Variants in CPNE5 observed in about 807,000 individuals in gnomAD.
CPNE5 encodes copine-5.
In CPNE5, 42 loss-of-function variants were observed where a neutral mutation model predicts 81.1. The observed-to-expected ratio is 0.52, with a 90% CI of 0.40 to 0.67. The LOEUF (loss-of-function observed/expected upper bound fraction) is 0.67, where lower values mean the gene tolerates loss of function less well. CPNE5 is among the 30% of genes least tolerant of loss of function. CPNE5 has a pLI of 0.00. For synonymous variants in CPNE5, 313 were observed against 321.5 expected (o/e 0.97, Z 0.28); for missense variants, 612 against 815.5 (o/e 0.75, Z 3.04).
At chr6:36,771,452 C>A (rs756629853) in intron 10 of CPNE5, among the ~76,000 whole-genome samples, 2 of 152,222 alleles carry the variant, frequency 1.3e-5, no homozygotes, top group African/African-American at 4.8e-5. Context: ...TTGCAATGAG[C>A]TAATTGTTGG....
chr6:36,742,393 G>T lies in CPNE5; in HGVS notation c.1657C>A (p.Gln553Lys). ...ARDVLAEIPD[Q>K]LVSYMKAQGI... ...TGTGCCTTCATGTAGGACACCAGTT[G>T]GTCAGGGATCTCTGCCAGCACGTCT... The change falls in exon 21 of 21, where the codon CAA becomes AAA. Residue 553 changes from glutamine (Q) to lysine (K), a missense_variant. Gln to Lys is a moderately conservative substitution (Grantham distance 53, BLOSUM62 1). Coordinates refer to ENST00000244751, the MANE Select transcript of CPNE5 (RefSeq NM_020939.2). 1 of 1,613,768 alleles carries T rather than the reference G, an allele frequency of 6.2e-7. No homozygotes were observed. The highest frequency in any genetic ancestry group is 1.6e-4 in the Middle Eastern group (1 of 6,062).
At chr6:36,828,702 C>T (rs554481669) in intron 1 of CPNE5, among the ~76,000 whole-genome samples, 11 of 152,250 alleles carry the variant, frequency 7.2e-5, no homozygotes, top group African/African-American at 2.2e-4. Context: ...ATTAGCTACC[C>T]GAAGACATTC....
At chr6:36,755,868 T>C (rs971618955) in intron 13 of CPNE5, 1 of 243,086 alleles carries the variant, frequency 4.1e-6, no homozygotes, top group African/African-American at 2.3e-5. Context: ...TGGTTTCCTC[T>C]TTCATGACTA....
At chr6:36,756,110 C>T in intron 13 of CPNE5, 135 bp downstream of exon 13, 3 of 518,062 alleles carry the variant, frequency 5.8e-6, no homozygotes, top group Non-Finnish European at 1.1e-5. Flanking sequence ...CCCTCCCCAC[C>T]CCATCTCTCT....
chr6:36,744,989 C>T, intron 18 of CPNE5, 59 bp downstream of exon 18: 2 of 1,234,930 alleles, frequency 1.6e-6, no homozygotes, highest in Non-Finnish European at 2.4e-6. Flanking sequence ...CCAGGGTTCC[C>T]CTAACGGGGA....
chr6:36,826,989 C>T (rs1017890868), intron 1 of CPNE5, among the ~76,000 whole-genome samples: 1 of 152,116 alleles, frequency 6.6e-6, no homozygotes, highest in South Asian at 2.1e-4. Flanking sequence ...GGTCAGCTGT[C>T]GTTGGCCCGG....
intron 3 of CPNE5, among the ~76,000 whole-genome samples, chr6:36,810,295 A>G (rs1770985377): frequency 6.6e-6 from 1 of 152,188 alleles, no homozygotes; most frequent in African/African-American, 2.4e-5. Context: ...TGGAGCTGAC[A>G]GACTGCTGTC....
Position 36,746,897 on chromosome 6 carries a change from T to C in CPNE5, c.1019-320A>G, listed in dbSNP as rs370566448. Among the ~76,000 whole-genome samples the C allele has an allele frequency of 2.6e-5, 4 of 152,098 alleles. No individual in the cohort carries two copies. In the East Asian group the frequency reaches 7.7e-4, roughly 29 times the overall value. ...GAGCCTATCCGCCTCAGAGAGATCA[T>C]GCCTCTCCTCTGCCCAAAACGCTCA... is the stretch of plus-strand genomic sequence containing the variant. On this transcript the variant is annotated intron_variant, in intron 15 of 20. Coordinates refer to ENST00000244751, the MANE Select transcript of CPNE5 (RefSeq NM_020939.2). The surrounding 1 kb of genome is among the most constrained non-coding windows in gnomAD (Gnocchi z 4.5).
Position 36,814,237 on chromosome 6 carries a change from C to A in CPNE5, c.183+7877G>T, listed in dbSNP as rs76933674. Among the ~76,000 whole-genome samples the A allele has an allele frequency of 1.5e-3, 224 of 152,274 alleles. 1 individual carries two copies. Among genetic ancestry groups the A allele is most frequent in the Non-Finnish European group, 2.5e-3 (167 of 68,016 alleles). ...GGAAAAGATCTCTAGTGGAGGAACGCAGTACTCCATCCCATTCAATTCCTT... is the reference window on the plus strand; with the variant it reads ...GGAAAAGATCTCTAGTGGAGGAACGAAGTACTCCATCCCATTCAATTCCTT... On this transcript the variant is annotated intron_variant, in intron 3 of 20. Transcript: ENST00000244751.
intron 7 of CPNE5, among the ~76,000 whole-genome samples, chr6:36,793,947 T>C (rs1214903035): frequency 6.6e-6 from 1 of 151,524 alleles, no homozygotes; most frequent in Non-Finnish European, 1.5e-5. Flanking sequence ...GAAGCCAGGG[T>C]GGGAACTCCC....
intron 8 of CPNE5, among the ~76,000 whole-genome samples, chr6:36,788,967 G>A (rs528156105): frequency 6.6e-6 from 1 of 152,316 alleles, no homozygotes; most frequent in African/African-American, 2.4e-5. Flanking sequence ...ATTCATTTGA[G>A]CAGGAAGCCC....
At chr6:36,833,935 A>G (rs1297141257) in intron 1 of CPNE5, among the ~76,000 whole-genome samples, 1 of 152,126 alleles carries the variant, frequency 6.6e-6, no homozygotes, top group African/African-American at 2.4e-5. Flanking sequence ...TAAAAGTATT[A>G]TGTGAGGCCA....
Position 36,746,407 on chromosome 6 carries a change from C to G in CPNE5, c.1189G>C (p.Glu397Gln). The G allele has an allele frequency of 6.2e-7, 1 of 1,611,192 alleles. No homozygotes were observed. The change falls in exon 16 of 21, where the codon GAG becomes CAG. Residue 397 changes from glutamate to glutamine, a missense_variant. Glu to Gln is a conservative substitution (Grantham distance 29). Coordinates refer to ENST00000244751, the MANE Select transcript of CPNE5 (RefSeq NM_020939.2). This position sits in a 1 kb window ranked among gnomAD's most constrained non-coding sequence, Gnocchi z 4.5. ...GCGGGACCACCTACCAGTGGGAACT[C>G]GTGGGACACTCTGCCATCCGGGGGC... is the stretch of plus-strand genomic sequence containing the variant. Reference protein sequence around the residue: ...KLPPDGRVSHEFPLNGNQENP... With the variant: ...KLPPDGRVSHQFPLNGNQENP...
chr6:36,771,192 CT>C (rs1767007348), intron 10 of CPNE5, among the ~76,000 whole-genome samples: 1 of 152,250 alleles, frequency 6.6e-6, no homozygotes, highest in Non-Finnish European at 1.5e-5. Flanking sequence ...AGAACTGCCC[CT>C]AACCCCTGAG....
At chr6:36,833,895 A>G (rs1218795477) in intron 1 of CPNE5, among the ~76,000 whole-genome samples, 1 of 152,126 alleles carries the variant, frequency 6.6e-6, no homozygotes, top group Non-Finnish European at 1.5e-5. Context: ...GCAATTGAGA[A>G]CTAATATAAT....
chr6:36,779,718 G>T (rs945839744), intron 8 of CPNE5, among the ~76,000 whole-genome samples: 11 of 152,198 alleles, frequency 7.2e-5, no homozygotes, highest in African/African-American at 2.7e-4. Context: ...GACCCAACAC[G>T]CAGAGGTGTC....
intron 8 of CPNE5, among the ~76,000 whole-genome samples, chr6:36,779,230 C>A (rs1275285746): frequency 1.3e-5 from 2 of 152,184 alleles, no homozygotes; most frequent in East Asian, 3.8e-4. Context: ...CCTCTTGGAG[C>A]CTCAGTTTCC....
chr6:36,760,850 C>T (rs1765955351), intron 12 of CPNE5, among the ~76,000 whole-genome samples: 1 of 152,122 alleles, frequency 6.6e-6, no homozygotes, highest in Admixed American at 6.5e-5. Context: ...CTGGCTGGAG[C>T]CTGTTCCCTT....
intron 13 of CPNE5, chr6:36,754,499 A>G (rs57148135): frequency 0.3 from 45,257 of 152,194 alleles, 6,925 homozygotes; most frequent in African/African-American, 0.36. Context: ...TAAGGGATGA[A>G]AAGCACTAAA....
Sources: allele counts gnomAD v4.1 joint callset (sites outside exome capture counted in the v4.1 genomes callset), GRCh38; gene constraint gnomAD v4.1.1; non-coding constraint Gnocchi (gnomAD v3.1); transcripts MANE v1.5; gene names NCBI Gene and HGNC (gene_info 2026-07-23, HGNC 2026-07-21).